PRELID2: variants seen among roughly 807,000 people sequenced by gnomAD.
PRELID2 encodes the protein PRELI domain-containing protein 2.
A neutral mutation model predicts 28.4 loss-of-function variants in PRELID2; 25 were observed. The observed-to-expected ratio is 0.88, with a 90% CI of 0.64 to 1.23. The LOEUF (loss-of-function observed/expected upper bound fraction) is 1.23. Ranked by LOEUF, PRELID2 falls within the 50% of genes most tolerant of loss-of-function variation. The pLI is 0.00. For synonymous variants in PRELID2, 76 were observed against 71.6 expected (o/e 1.06, Z -0.31); for missense variants, 201 against 214.4 (o/e 0.94, Z 0.39).
the PRELID2 span, among the ~76,000 whole-genome samples, chr5:145,326,231 C>A: frequency 6.6e-6 from 1 of 152,050 alleles, no homozygotes; most frequent in African/African-American, 2.4e-5. Flanking sequence ...GTCTCCAACT[C>A]CTGAGCTCAA....
chr5:145,272,922 C>T, the PRELID2 span, among the ~76,000 whole-genome samples: 4 of 152,122 alleles, frequency 2.6e-5, no homozygotes, highest in Admixed American at 2.6e-4. Context: ...AGGGAATCAG[C>T]ACCTTCTGGA....
At chr5:145,499,289 T>C (rs897891235) in intron 1 of PRELID2, among the ~76,000 whole-genome samples, 1 of 152,180 alleles carries the variant, frequency 6.6e-6, no homozygotes, top group East Asian at 1.9e-4. Context: ...TATAGTTATA[T>C]ATCTGCATGT....
intron 1 of PRELID2, among the ~76,000 whole-genome samples, chr5:145,828,648 T>C (rs1755364424): frequency 6.6e-6 from 1 of 152,098 alleles, no homozygotes; most frequent in Non-Finnish European, 1.5e-5. Flanking sequence ...CAACTGTTTC[T>C]AAATAGTTTA....
rs187684088 is a variant in PRELID2 at position 145,584,014 on chromosome 5, C to T, written n.71-110699G>A. ...TAAGCAAAAAGAACAAAGCTGGAGGCATCACACTACCCAACTTCAAACTAC... is the reference window on the plus strand; with the variant it reads ...TAAGCAAAAAGAACAAAGCTGGAGGTATCACACTACCCAACTTCAAACTAC... On this transcript the variant is annotated intron_variant and non_coding_transcript_variant, in intron 1 of 2. Transcript: ENST00000510259. Among the ~76,000 whole-genome samples, 250 of 152,190 alleles carry T rather than the reference C, an allele frequency of 1.6e-3. 1 individual carries two copies. The highest frequency in any genetic ancestry group is 6.8e-3 in the Middle Eastern group (2 of 294).
intron 1 of PRELID2, among the ~76,000 whole-genome samples, chr5:145,594,022 A>G (rs1753267598): frequency 1.3e-5 from 2 of 152,194 alleles, no homozygotes; most frequent in Admixed American, 1.3e-4. Flanking sequence ...TAATACTTAA[A>G]TATGAATGAA....
chr5:145,513,658 C>T (rs1182368455), intron 1 of PRELID2, among the ~76,000 whole-genome samples: 1 of 152,254 alleles, frequency 6.6e-6, no homozygotes, highest in African/African-American at 2.4e-5. Context: ...CACGAAGATA[C>T]TCTTCAAGAA....
chr5:145,410,975 A>G, the PRELID2 span, among the ~76,000 whole-genome samples: 1 of 152,102 alleles, frequency 6.6e-6, no homozygotes, highest in Non-Finnish European at 1.5e-5. Context: ...ATGGTGGTAC[A>G]GGCATTGGGT....
intron 1 of PRELID2, among the ~76,000 whole-genome samples, chr5:145,607,527 T>G (rs1262974802): frequency 6.6e-6 from 1 of 152,218 alleles, no homozygotes; most frequent in East Asian, 1.9e-4. Flanking sequence ...AGGAACAGGT[T>G]GCTTAATTTC....
At chr5:145,327,143 A>G in the PRELID2 span, among the ~76,000 whole-genome samples, 237 of 152,194 alleles carry the variant, frequency 1.6e-3, 3 homozygotes, top group East Asian at 0.039. Flanking sequence ...TTTGGTCTAT[A>G]TTGTTATTCA....
chr5:145,309,701 T>C, the PRELID2 span, among the ~76,000 whole-genome samples: 2 of 152,190 alleles, frequency 1.3e-5, no homozygotes, highest in African/African-American at 2.4e-5. Context: ...ACAACTACTC[T>C]ATGGAGTCCA....
chr5:145,521,464 A>T (rs1172226738), intron 1 of PRELID2, among the ~76,000 whole-genome samples: 2 of 152,218 alleles, frequency 1.3e-5, no homozygotes, highest in African/African-American at 4.8e-5. Flanking sequence ...AATTCCTGCC[A>T]TGTACAACAT....
intron 1 of PRELID2, among the ~76,000 whole-genome samples, chr5:145,685,383 G>A (rs1451714046): frequency 6.6e-6 from 1 of 152,096 alleles, no homozygotes; most frequent in Admixed American, 6.6e-5. Flanking sequence ...CTAGGTCTTT[G>A]CAAATGTTAT....
the PRELID2 span, among the ~76,000 whole-genome samples, chr5:145,287,699 G>T: frequency 2.2e-3 from 331 of 152,238 alleles, 2 homozygotes; most frequent in African/African-American, 7.7e-3. Flanking sequence ...CCTTACATCA[G>T]TATGGCACTT....
chr5:145,298,779 A>C, the PRELID2 span, among the ~76,000 whole-genome samples: 1 of 152,176 alleles, frequency 6.6e-6, no homozygotes, highest in African/African-American at 2.4e-5. Context: ...GCAACACAAA[A>C]TAAACTAAGA....
chr5:145,826,207 A>C (rs1755181382), intron 1 of PRELID2: 7 of 982,274 alleles, frequency 7.1e-6, no homozygotes, highest in Non-Finnish European at 7.3e-6. Flanking sequence ...AAACCTATCA[A>C]GTATTAATAT....
chr5:145,600,781 C>T (rs373344665), intron 1 of PRELID2, among the ~76,000 whole-genome samples: 7 of 152,204 alleles, frequency 4.6e-5, no homozygotes, highest in Middle Eastern at 3.4e-3. Context: ...ATAAGGACTT[C>T]AGATACTGAA....
chr5:145,700,686 G>C (rs1003893138), intron 1 of PRELID2, among the ~76,000 whole-genome samples: 2 of 152,068 alleles, frequency 1.3e-5, no homozygotes, highest in Non-Finnish European at 2.9e-5. Context: ...GACCAGCCAC[G>C]CTCCCTCTAT....
the PRELID2 span, among the ~76,000 whole-genome samples, chr5:145,367,481 G>A: frequency 6.6e-6 from 1 of 151,808 alleles, no homozygotes; most frequent in East Asian, 1.9e-4. Context: ...GTCTACAGTT[G>A]ACATTAGGAT....
At chr5:145,497,639 G>T (rs528515098) in intron 1 of PRELID2, among the ~76,000 whole-genome samples, 1 of 152,238 alleles carries the variant, frequency 6.6e-6, no homozygotes. Flanking sequence ...AATGGCCACC[G>T]ATCCACATAG....
Sources: allele counts gnomAD v4.1 joint callset (sites outside exome capture counted in the v4.1 genomes callset), GRCh38; gene constraint gnomAD v4.1.1; transcripts MANE v1.5; gene names NCBI Gene and HGNC (gene_info 2026-07-23, HGNC 2026-07-21).